The following EDA variants were observed in gnomAD, a reference collection of about 807,000 sequenced individuals.
The protein encoded by EDA is ectodysplasin-A.
EDA carries 2 observed loss-of-function variants against 23.6 expected under a neutral mutation model. That is an observed-to-expected ratio of 0.08 (90% CI 0.03 to 0.27). The LOEUF is 0.27. Ranked by LOEUF, EDA falls within the 10% of genes least tolerant of loss-of-function variation. EDA has a pLI of 1.00. For missense variants in EDA, 229 were observed against 324.2 expected, an observed-to-expected ratio of 0.71 and a Z score of 2.26; for synonymous variants, 131 against 132.0, an observed-to-expected ratio of 0.99 and a Z score of 0.05.
chrX:69,640,776 TA>T (rs1210712467), intron 1 of EDA, among the ~76,000 whole-genome samples: 1 of 111,542 alleles, frequency 9.0e-6, no homozygotes, highest in Non-Finnish European at 1.9e-5. Context: ...CACTGTGATG[TA>T]CTAACACCAG....
chrX:70,023,305 A>C lies in EDA; in HGVS notation c.526+64A>C. On this transcript the variant is annotated intron_variant, in intron 3 of 7. Coordinates refer to ENST00000374552, the MANE Select transcript of EDA (RefSeq NM_001399.5). ...TATTTTCTAAAGTTAGAAGAAAAAA[A>C]TCAAGAGTGCGATTTTTGTATTATA... is the stretch of plus-strand genomic sequence containing the variant. 7.7e-6 allele frequency: 6 copies of C among 780,908 alleles called. No individual in the cohort carries two copies. The East Asian group carries it at 1.6e-4, about 21-fold the overall frequency. 64.4% of individuals were successfully genotyped at this position (780,908 alleles called of 1,213,427 possible).
intron 1 of EDA, among the ~76,000 whole-genome samples, chrX:69,821,951 G>C (rs1200810010): frequency 9.0e-6 from 1 of 111,404 alleles, no homozygotes; most frequent in Non-Finnish European, 1.9e-5. Context: ...AAACTGATCA[G>C]TTGAACATAC....
At chrX:69,813,391 T>C (rs1346877248) in intron 1 of EDA, among the ~76,000 whole-genome samples, 6 of 111,850 alleles carry the variant, frequency 5.4e-5, no homozygotes. Flanking sequence ...TTTTCAAGAC[T>C]CAGCTCACAT....
intron 1 of EDA, among the ~76,000 whole-genome samples, chrX:69,901,563 T>C (rs1417054712): frequency 1.8e-5 from 2 of 111,672 alleles, no homozygotes; most frequent in Non-Finnish European, 3.8e-5. Flanking sequence ...TTGATACAGC[T>C]ATCTCACAGT....
intron 1 of EDA, among the ~76,000 whole-genome samples, chrX:69,828,519 T>C (rs2016522132): frequency 1.8e-5 from 2 of 112,105 alleles, no homozygotes; most frequent in African/African-American, 6.5e-5. Context: ...CCTGACCCCT[T>C]GCACTTCCCA....
At chrX:69,728,558 G>T (rs926805232) in intron 1 of EDA, among the ~76,000 whole-genome samples, 4 of 112,336 alleles carry the variant, frequency 3.6e-5, no homozygotes, top group Admixed American at 9.4e-5. Context: ...GCAAGAGAAA[G>T]GGATAGAGTA....
chrX:70,015,747 A>G (rs1447019864), intron 2 of EDA, among the ~76,000 whole-genome samples: 1 of 111,986 alleles, frequency 8.9e-6, no homozygotes, highest in East Asian at 2.8e-4. Context: ...ATGAAAGACC[A>G]TTACTGGCTA....
intron 1 of EDA, among the ~76,000 whole-genome samples, chrX:69,915,285 T>A (rs781414167): frequency 9.0e-6 from 1 of 111,572 alleles, no homozygotes; most frequent in South Asian, 3.8e-4. Context: ...AATGTTAAGA[T>A]AGACTGTGTG....
At chrX:69,731,643 T>C (rs1451012008) in intron 1 of EDA, among the ~76,000 whole-genome samples, 1 of 111,285 alleles carries the variant, frequency 9.0e-6, no homozygotes, top group Non-Finnish European at 1.9e-5. Flanking sequence ...GGTTTCACCA[T>C]GTTGGCCAGG....
chrX:69,786,921 A>T (rs199848833), intron 1 of EDA, among the ~76,000 whole-genome samples: 1 of 100,957 alleles, frequency 9.9e-6, no homozygotes. Context: ...AATGTGTGGG[A>T]GTCTAAGTCT....
chrX:69,954,624 A>G (rs1290052685), intron 1 of EDA, among the ~76,000 whole-genome samples: 1 of 112,190 alleles, frequency 8.9e-6, no homozygotes, highest in East Asian at 2.8e-4. Context: ...CATATACTTT[A>G]ATATTCATAA....
intron 1 of EDA, among the ~76,000 whole-genome samples, chrX:69,794,845 C>G (rs2015504140): frequency 9.0e-6 from 1 of 110,978 alleles, no homozygotes; most frequent in African/African-American, 3.3e-5. Context: ...GAAGGTGATG[C>G]TATTTACTGA....
intron 1 of EDA, among the ~76,000 whole-genome samples, chrX:69,925,246 T>G (rs1476800758): frequency 1.8e-5 from 2 of 111,767 alleles, no homozygotes; most frequent in Non-Finnish European, 1.9e-5. Flanking sequence ...AAAGGGAATG[T>G]GTCCAGCTTT....
chrX:69,947,546 T>C (rs954663381), intron 1 of EDA, among the ~76,000 whole-genome samples: 1 of 112,405 alleles, frequency 8.9e-6, no homozygotes, highest in African/African-American at 3.2e-5. Flanking sequence ...CCCCTGCTTA[T>C]GGTTATGCCA....
intron 2 of EDA, among the ~76,000 whole-genome samples, chrX:69,981,338 A>G (rs1273251993): frequency 1.8e-5 from 2 of 112,043 alleles, no homozygotes; most frequent in African/African-American, 6.5e-5. Context: ...ACTGTAGAAT[A>G]GAAGAGAATT....
chrX:69,743,106 T>C (rs1004285587), intron 1 of EDA: 2 of 111,676 alleles, frequency 1.8e-5, no homozygotes, highest in Non-Finnish European at 3.8e-5. Context: ...GTGGAACTAA[T>C]ACAAGTACTT....
intron 1 of EDA, among the ~76,000 whole-genome samples, chrX:69,748,921 T>G (rs974419330): frequency 6.3e-5 from 7 of 111,685 alleles, no homozygotes; most frequent in Non-Finnish European, 1.3e-4. Flanking sequence ...AATGTAAGAC[T>G]AGCCCAAAAT....
intron 1 of EDA, among the ~76,000 whole-genome samples, chrX:69,802,712 A>G (rs2015720912): frequency 9.0e-6 from 1 of 111,355 alleles, no homozygotes; most frequent in Non-Finnish European, 1.9e-5. Context: ...AGTTGGACTT[A>G]TTTAAAATCA....
rs773976129 is a variant in EDA at position 69,932,531 on chromosome X, C to T, written c.397-24496C>T. 9.6e-4 allele frequency among the ~76,000 whole-genome samples: 107 copies of T among 111,378 alleles called. 1 individual carries two copies. Among genetic ancestry groups the T allele is most frequent in the Middle Eastern group, 4.6e-3 (1 of 218 alleles). ...TTCTTTAGTTGGCTTCTTGCCAGAA[C>T]GCTTTTTCAGATAAAGGTTCTGAGA... On this transcript the variant is annotated intron_variant, in intron 1 of 7. Transcript: ENST00000374552.
Sources: allele counts gnomAD v4.1 joint callset (sites outside exome capture counted in the v4.1 genomes callset), GRCh38; gene constraint gnomAD v4.1.1; transcripts MANE v1.5; gene names NCBI Gene and HGNC (gene_info 2026-07-23, HGNC 2026-07-21).